CPNE4: variants seen among roughly 807,000 people sequenced by gnomAD.
CPNE4 encodes copine-4.
CPNE4 carries 25 observed loss-of-function variants against 67.9 expected under a neutral mutation model. The ratio of observed to expected loss-of-function variants is 0.37; its 90% CI spans 0.27 to 0.51. The LOEUF is 0.51. Ranked by LOEUF, CPNE4 falls within the 20% of genes least tolerant of loss-of-function variation. The probability of loss-of-function intolerance (pLI) is 0.93; values close to 1 mark genes in which losing one functional copy is unlikely to be tolerated. For missense variants in CPNE4, 464 were observed against 690.8 expected (o/e 0.67, Z 3.68); for synonymous variants, 242 against 244.9 (o/e 0.99, Z 0.11).
At chr3:131,976,409 C>T (rs1335084046) in intron 1 of CPNE4, among the ~76,000 whole-genome samples, 1 of 152,026 alleles carries the variant, frequency 6.6e-6, no homozygotes, top group East Asian at 1.9e-4. Flanking sequence ...TATAAGACCA[C>T]TATGTGGCAA....
intron 2 of CPNE4, among the ~76,000 whole-genome samples, chr3:131,870,967 T>C (rs1002718021): frequency 6.6e-6 from 1 of 152,140 alleles, no homozygotes; most frequent in Non-Finnish European, 1.5e-5. Flanking sequence ...GAGGTCCTAC[T>C]GATGTTTAGT....
intron 2 of CPNE4, among the ~76,000 whole-genome samples, chr3:131,731,059 G>C (rs1245747444): frequency 2.6e-5 from 4 of 152,106 alleles, no homozygotes; most frequent in African/African-American, 9.7e-5. Flanking sequence ...AGATTAAACT[G>C]AACGAGTGAT....
At chr3:131,824,398 G>A (rs778332387) in intron 2 of CPNE4, among the ~76,000 whole-genome samples, 1 of 152,112 alleles carries the variant, frequency 6.6e-6, no homozygotes, top group African/African-American at 2.4e-5. Context: ...CAGGGGACTC[G>A]AGTATATAAT....
chr3:131,539,823 C>CTA (rs1262667437), intron 15 of CPNE4, among the ~76,000 whole-genome samples: 3 of 152,130 alleles, frequency 2.0e-5, no homozygotes, highest in Non-Finnish European at 4.4e-5. Flanking sequence ...AGTGATGTGT[C>CTA]TATCTATTTT....
intron 3 of CPNE4, among the ~76,000 whole-genome samples, chr3:131,721,617 G>A (rs375906326): frequency 2.6e-5 from 4 of 152,036 alleles, no homozygotes; most frequent in Non-Finnish European, 5.9e-5. Context: ...GGATGGTCTC[G>A]ATCTCCTGGC....
At chr3:131,782,335 G>A (rs922043613) in intron 2 of CPNE4, among the ~76,000 whole-genome samples, 1 of 152,080 alleles carries the variant, frequency 6.6e-6, no homozygotes, top group Admixed American at 6.6e-5. Context: ...AACATTTAAT[G>A]TTCACTAGCA....
chr3:131,609,575 A>G (rs1559977773), intron 7 of CPNE4, among the ~76,000 whole-genome samples: 1 of 152,176 alleles, frequency 6.6e-6, no homozygotes, highest in Non-Finnish European at 1.5e-5. Context: ...AAACTTGATT[A>G]GATTTTTTTG....
intron 1 of CPNE4, among the ~76,000 whole-genome samples, chr3:132,009,910 G>A (rs956983053): frequency 3.9e-5 from 6 of 152,184 alleles, no homozygotes; most frequent in Non-Finnish European, 8.8e-5. Flanking sequence ...TAATGCACAG[G>A]ATAGCCACAC....
intron 2 of CPNE4, among the ~76,000 whole-genome samples, chr3:131,814,895 C>A: frequency 7.3e-6 from 1 of 136,434 alleles, no homozygotes; most frequent in South Asian, 2.1e-4. Flanking sequence ...TGAGCCACCG[C>A]GCCCGGCCTG....
chr3:131,684,458 T>C (rs1583018755), intron 6 of CPNE4, among the ~76,000 whole-genome samples: 1 of 152,214 alleles, frequency 6.6e-6, no homozygotes, highest in East Asian at 1.9e-4. Flanking sequence ...TATTTATTTA[T>C]TCTTTTATTA....
chr3:131,883,235 C>T (rs562490513), intron 2 of CPNE4, among the ~76,000 whole-genome samples: 2 of 152,158 alleles, frequency 1.3e-5, no homozygotes, highest in Non-Finnish European at 2.9e-5. Flanking sequence ...ATTATTGATG[C>T]AACCTCAATC....
intron 10 of CPNE4, among the ~76,000 whole-genome samples, chr3:131,573,491 C>A: frequency 6.6e-6 from 1 of 152,034 alleles, no homozygotes; most frequent in East Asian, 1.9e-4. Context: ...TTTGTTGGGG[C>A]TGATTCTTTG....
intron 3 of CPNE4, among the ~76,000 whole-genome samples, chr3:131,709,706 C>T (rs2081511186): frequency 6.6e-6 from 1 of 152,284 alleles, no homozygotes; most frequent in Non-Finnish European, 1.5e-5. Flanking sequence ...TGCTTAGCAG[C>T]AAAATGAAGA....
chr3:131,792,752 TATAC>T lies in CPNE4; in HGVS notation c.181-69131_181-69128del, dbSNP rs1272168841. ...ATACACGTGTGTATATATGTATATA[TATAC>T]ACACACTATATATGTATATGTGTGT... On this transcript the variant is annotated intron_variant, in intron 2 of 15. Coordinates refer to ENST00000429747, the MANE Select transcript of CPNE4 (RefSeq NM_130808.3). Among the ~76,000 whole-genome samples the T allele has an allele frequency of 9.9e-5, 14 of 140,880 alleles. 1 individual carries two copies. Among genetic ancestry groups the T allele is most frequent in the African/African-American group, 2.6e-5 (1 of 38,818 alleles). The allele number at this position is 140,880 out of a possible 152,430, so 92.4% of individuals were successfully genotyped here.
At chr3:131,537,542 C>CAA (rs2107621536) in intron 15 of CPNE4, 1 of 212,420 alleles carries the variant, frequency 4.7e-6, no homozygotes, top group African/African-American at 2.4e-5. Context: ...CTCAGCATCT[C>CAA]AAAGTCCTGA....
chr3:131,787,310 T>C (rs1583197469), intron 2 of CPNE4, among the ~76,000 whole-genome samples: 1 of 152,222 alleles, frequency 6.6e-6, no homozygotes, highest in East Asian at 1.9e-4. Context: ...TTAGCATCTA[T>C]GGAAGAAACA....
intron 2 of CPNE4, among the ~76,000 whole-genome samples, chr3:131,898,831 TTTC>T (rs2088438577): frequency 1.3e-5 from 2 of 152,136 alleles, no homozygotes; most frequent in African/African-American, 4.8e-5. Context: ...CAGCTTTCTT[TTTC>T]TTTTTTGTTT....
At chr3:131,787,142 G>C (rs1041973537) in intron 2 of CPNE4, among the ~76,000 whole-genome samples, 2 of 152,106 alleles carry the variant, frequency 1.3e-5, no homozygotes, top group Non-Finnish European at 2.9e-5. Flanking sequence ...GATTTCTCCT[G>C]GGTCTCCAGA....
intron 2 of CPNE4, among the ~76,000 whole-genome samples, chr3:131,868,426 G>A (rs1024968516): frequency 4.6e-5 from 7 of 152,068 alleles, no homozygotes; most frequent in African/African-American, 1.7e-4. Context: ...GGGTAGAACT[G>A]CACGTGGAGA....
Sources: gnomAD v4.1 joint callset for allele counts (sites outside exome capture counted in the v4.1 genomes callset) on GRCh38, gnomAD v4.1.1 for gene constraint, MANE v1.5 for transcripts, NCBI Gene and HGNC (gene_info 2026-07-23, HGNC 2026-07-21) for gene names.